SDK2: variants seen among roughly 807,000 people sequenced by gnomAD.
The protein encoded by SDK2 is sidekick cell adhesion molecule 2.
A neutral mutation model predicts 253.9 loss-of-function variants in SDK2; 105 were observed. That is an observed-to-expected ratio of 0.41 (90% CI 0.35 to 0.49). SDK2 has a LOEUF of 0.49. SDK2 is among the 20% of genes least tolerant of loss of function. The pLI, the probability that SDK2 is intolerant of heterozygous loss-of-function variation, is 0.06. For missense variants in SDK2, 2,608 were observed against 3,003.0 expected (o/e 0.87, Z 3.07); for synonymous variants, 1,249 against 1,234.9 (o/e 1.01, Z -0.24).
At position 73,643,783 on chromosome 17, in the gene SDK2, G is replaced by A. The variant is rs1435797177; in HGVS notation, c.64+242C>T. Among the ~76,000 whole-genome samples, 11 of 152,108 alleles carry A rather than the reference G, an allele frequency of 7.2e-5. No individual in the cohort carries two copies. The highest frequency in any genetic ancestry group is 4.2e-4 in the South Asian group (2 of 4,812). On this transcript the variant is annotated intron_variant, in intron 1 of 44. Transcript: ENST00000392650. This position sits in a 1 kb window ranked among gnomAD's most constrained non-coding sequence, Gnocchi z 6.9. ...CCCACTTCACCTTGGGCTCTTCTCTGCCTCCCCAGGTCGTCCCCACCTTCC... is the reference window on the plus strand; with the variant it reads ...CCCACTTCACCTTGGGCTCTTCTCTACCTCCCCAGGTCGTCCCCACCTTCC...
At chr17:73,404,221 G>T (rs2063052665) in intron 18 of SDK2, among the ~76,000 whole-genome samples, 1 of 152,142 alleles carries the variant, frequency 6.6e-6, no homozygotes, top group African/African-American at 2.4e-5. Flanking sequence ...CAGGGTCATG[G>T]GTTCCTGTGG....
At chr17:73,523,503 G>A (rs781264170) in intron 1 of SDK2, among the ~76,000 whole-genome samples, 24 of 151,838 alleles carry the variant, frequency 1.6e-4, no homozygotes, top group Admixed American at 4.6e-4. Context: ...TGAGAAACAC[G>A]CAAGGAGAAG....
chr17:73,343,765 C>T (rs796275370), intron 44 of SDK2, among the ~76,000 whole-genome samples: 4 of 152,292 alleles, frequency 2.6e-5, no homozygotes, highest in African/African-American at 9.6e-5. Flanking sequence ...TGTTCATCTC[C>T]AGCCCAAAGG....
chr17:73,524,762 T>C (rs1263104153), intron 1 of SDK2, among the ~76,000 whole-genome samples: 1 of 152,154 alleles, frequency 6.6e-6, no homozygotes, highest in Non-Finnish European at 1.5e-5. Context: ...ACATGGTCAG[T>C]GTAGACCCTG....
At chr17:73,533,806 C>G (rs2064190561) in intron 1 of SDK2, among the ~76,000 whole-genome samples, 1 of 152,112 alleles carries the variant, frequency 6.6e-6, no homozygotes, top group South Asian at 2.1e-4. Flanking sequence ...TGCCCTCCAG[C>G]TCCTTCAAGG....
intron 2 of SDK2, among the ~76,000 whole-genome samples, chr17:73,485,641 T>G (rs760468686): frequency 6.6e-6 from 1 of 152,234 alleles, no homozygotes; most frequent in African/African-American, 2.4e-5. Context: ...AAGAAAGAGT[T>G]CACACATTTT....
chr17:73,398,310 G>A lies in SDK2; in HGVS notation c.3203+10C>T. 1 of 1,613,174 alleles carries A rather than the reference G, an allele frequency of 6.2e-7. No individual in the cohort carries two copies. The highest frequency in any genetic ancestry group is 8.5e-7 in the Non-Finnish European group (1 of 1,179,258). On this transcript the variant is annotated intron_variant, in intron 23 of 44. Coordinates refer to ENST00000392650, the MANE Select transcript of SDK2 (RefSeq NM_001144952.2). ...AGGCTGCTGCCTTCTCCCCGGGCCA[G>A]TCTCATTACCTGTAGCAGGTGAAGG... is the stretch of plus-strand genomic sequence containing the variant.
rs986154676 is a variant in SDK2 at position 73,455,404 on chromosome 17, G to A, written c.479+502C>T. The stretch of plus-strand genomic sequence containing the variant: ...GCCTTGTGAACACTCAGAGGCCTGT[G>A]TGTTTCTCTGCCCAGGGCTTCCCTG... On this transcript the variant is annotated intron_variant, in intron 4 of 44. Transcript: ENST00000392650. This position sits in a 1 kb window ranked among gnomAD's most constrained non-coding sequence, Gnocchi z 5.0. Among the ~76,000 whole-genome samples, 2 of 152,162 alleles carry A rather than the reference G, an allele frequency of 1.3e-5. No individual in the cohort carries two copies. The highest frequency in any genetic ancestry group is 2.4e-5 in the African/African-American group (1 of 41,438).
chr17:73,626,698 G>A (rs2046206568), intron 1 of SDK2, among the ~76,000 whole-genome samples: 1 of 152,200 alleles, frequency 6.6e-6, no homozygotes, highest in Non-Finnish European at 1.5e-5. Context: ...ATTCTGGGAT[G>A]GAGGCAGGAC....
At position 73,464,019 on chromosome 17, in the gene SDK2, G is replaced by T. The variant is rs529346019; in HGVS notation, c.332-7966C>A. 2.0e-5 allele frequency among the ~76,000 whole-genome samples: 3 copies of T among 152,278 alleles called. No homozygotes were observed. In the South Asian group the frequency reaches 6.2e-4, roughly 32 times the overall value. ...CCAACACTTGGTGTTGTTAGACTGT[G>T]GTCTCTGCCAACCTGGTGGGCACGG... is the stretch of plus-strand genomic sequence containing the variant. On this transcript the variant is annotated intron_variant, in intron 3 of 44. Transcript: ENST00000392650.
chr17:73,548,705 G>GCAA lies in SDK2; in HGVS notation c.65-41109_65-41108insTTG, dbSNP rs531265033. On this transcript the variant is annotated intron_variant, in intron 1 of 44. Transcript: ENST00000392650. ...TCCTCCCTGGGGAGGAAATGACCTT[G>GCAA]GGCACTGCCCAGTCCTTGCACACTG... Among the ~76,000 whole-genome samples the GCAA allele has an allele frequency of 9.4e-3, 1,428 of 152,328 alleles. 15 individuals are homozygous for GCAA. Among genetic ancestry groups the GCAA allele is most frequent in the Non-Finnish European group, 0.017 (1,159 of 68,022 alleles).
In SDK2 at chr17:73,379,099, C is replaced by A. The variant is rs2062808796; in HGVS notation, c.4980+78G>T. 2.7e-6 allele frequency: 3 copies of A among 1,096,130 alleles called. No homozygotes were observed. The highest frequency in any genetic ancestry group is 4.0e-6 in the Non-Finnish European group (3 of 744,318). 67.9% of individuals were successfully genotyped at this position (1,096,130 alleles called of 1,614,324 possible). On this transcript the variant is annotated intron_variant, in intron 36 of 44. Coordinates refer to ENST00000392650, the MANE Select transcript of SDK2 (RefSeq NM_001144952.2). This position sits in a 1 kb window ranked among gnomAD's most constrained non-coding sequence, Gnocchi z 4.5. ...GAGGGCCTGGGGACCTGCCTGCCTCCCACATATCACTCACTCCCCAGCCTC... is the reference window on the plus strand; with the variant it reads ...GAGGGCCTGGGGACCTGCCTGCCTCACACATATCACTCACTCCCCAGCCTC...
chr17:73,632,343 G>A (rs771904046), intron 1 of SDK2, among the ~76,000 whole-genome samples: 1 of 152,222 alleles, frequency 6.6e-6, no homozygotes, highest in African/African-American at 2.4e-5. Flanking sequence ...GCAGAGGAAC[G>A]TGGAAGAATT....
At position 73,348,617 on chromosome 17, in the gene SDK2, T is replaced by C. The variant is rs763270444; in HGVS notation, c.6147A>G (p.Ser2049=). The C allele has an allele frequency of 6.2e-7, 1 of 1,612,870 alleles. No homozygotes were observed. Among genetic ancestry groups the C allele is most frequent in the Non-Finnish European group, 8.5e-7 (1 of 1,179,748 alleles). The part of the protein sequence containing the change: ...AESSSLTEKP[S]EISDSQGSDS... ...CCCTCACCTGAGAGTCGGAGATTTC[T>C]GAGGGCTTCTCCGTCAGGCTGCTGC... is the stretch of plus-strand genomic sequence containing the variant. The change falls in exon 44 of 45, where the codon TCA becomes TCG. Residue 2049 remains serine, a synonymous_variant. Transcript: ENST00000392650.
At position 73,456,028 on chromosome 17, in the gene SDK2, C is replaced by A; in HGVS notation, c.357G>T (p.Glu119Asp). 1 of 1,527,030 alleles carries A rather than the reference C, an allele frequency of 6.5e-7. No individual in the cohort carries two copies. Among genetic ancestry groups the A allele is most frequent in the South Asian group, 1.2e-5 (1 of 81,430 alleles). The allele number at this position is 1,527,030 out of a possible 1,614,324, so 94.6% of individuals were successfully genotyped here. A position where few individuals can be genotyped will look rare whatever the true frequency, so the allele number is the denominator to read the frequency against. ...VAYMGSFEEG[E>D]KHQSVSHGEA... ...CTCCGTGGGAGACGCTCTGGTGCTTCTCACCTTCCTCAAAGCTCCCCATGT... is the reference window on the plus strand; with the variant it reads ...CTCCGTGGGAGACGCTCTGGTGCTTATCACCTTCCTCAAAGCTCCCCATGT... The change falls in exon 4 of 45, where the codon GAG becomes GAT. Residue 119 changes from glutamate (E) to aspartate (D), a missense_variant. Transcript: ENST00000392650.
intron 1 of SDK2, among the ~76,000 whole-genome samples, chr17:73,524,299 C>A (rs560317426): frequency 1.3e-5 from 2 of 152,312 alleles, no homozygotes; most frequent in African/African-American, 4.8e-5. Flanking sequence ...CCTTTCCAAC[C>A]CCTTCCCCAG....
intron 3 of SDK2, among the ~76,000 whole-genome samples, chr17:73,464,972 T>C (rs1325184746): frequency 6.6e-6 from 1 of 152,210 alleles, no homozygotes; most frequent in Non-Finnish European, 1.5e-5. Flanking sequence ...GTGTCCCCAC[T>C]GCCTGGAACA....
intron 1 of SDK2, among the ~76,000 whole-genome samples, chr17:73,589,122 T>A (rs1201410703): frequency 6.6e-6 from 1 of 152,284 alleles, no homozygotes; most frequent in Non-Finnish European, 1.5e-5. Flanking sequence ...TCACAGTCCC[T>A]GACTCACTCA....
At chr17:73,369,138 C>A (rs746152138) in intron 36 of SDK2, 19 of 470,834 alleles carry the variant, frequency 4.0e-5, no homozygotes. Context: ...GTCTGTGTTT[C>A]CCGCCATGCC....
Sources: allele counts gnomAD v4.1 joint callset (sites outside exome capture counted in the v4.1 genomes callset), GRCh38; gene constraint gnomAD v4.1.1; non-coding constraint Gnocchi (gnomAD v3.1); transcripts MANE v1.5; gene names NCBI Gene and HGNC (gene_info 2026-07-23, HGNC 2026-07-21).